The following KAZN variants were observed in gnomAD, a reference collection of about 807,000 sequenced individuals.
KAZN encodes kazrin.
KAZN carries 40 observed loss-of-function variants against 87.4 expected under a neutral mutation model. The ratio of observed to expected loss-of-function variants is 0.46; its 90% CI spans 0.36 to 0.60. KAZN has a LOEUF of 0.60. Ranked by LOEUF, KAZN falls within the 20% of genes least tolerant of loss-of-function variation. The pLI is 0.00. For missense variants in KAZN, 898 were observed against 1,073.9 expected (o/e 0.84, Z 2.29); for synonymous variants, 466 against 458.3 (o/e 1.02, Z -0.22).
chr1:14,884,831 T>A (rs1653854987), intron 1 of KAZN, among the ~76,000 whole-genome samples: 1 of 152,216 alleles, frequency 6.6e-6, no homozygotes. Flanking sequence ...TTTTCATAAC[T>A]GAGCAGGAAG....
chr1:14,195,648 A>T (rs888057354), intron 2 of KAZN, among the ~76,000 whole-genome samples: 1 of 152,214 alleles, frequency 6.6e-6, no homozygotes, highest in African/African-American at 2.4e-5. Flanking sequence ...TAGCAGATAA[A>T]TTGGAACAGG....
chr1:15,045,437 G>A (rs759507042), intron 4 of KAZN, among the ~76,000 whole-genome samples: 9 of 152,102 alleles, frequency 5.9e-5, no homozygotes, highest in Admixed American at 1.3e-4. Context: ...CTTAAACAAC[G>A]CAGGGCTTAG....
chr1:15,081,540 G>T lies in KAZN; in HGVS notation c.1223-12640G>T, dbSNP rs1640003100. ...GCTGTGAGAGATGTCATGCAGGAAAGGTTCCAGGAATTAATGACAGCGTGT... is the reference window on the plus strand; with the variant it reads ...GCTGTGAGAGATGTCATGCAGGAAATGTTCCAGGAATTAATGACAGCGTGT... On this transcript the variant is annotated intron_variant, in intron 8 of 14. Transcript: ENST00000376030. This position sits in a 1 kb window ranked among gnomAD's most constrained non-coding sequence, Gnocchi z 4.1. 6.6e-6 allele frequency among the ~76,000 whole-genome samples: 1 copy of T among 151,924 alleles called. No homozygotes were observed.
intron 1 of KAZN, among the ~76,000 whole-genome samples, chr1:14,093,574 C>G (rs760227997): frequency 4.6e-5 from 7 of 152,078 alleles, no homozygotes; most frequent in South Asian, 2.1e-4. Flanking sequence ...GATTCACTGT[C>G]CAAGAAAAGC....
At chr1:14,315,571 C>T (rs534898268) in intron 2 of KAZN, among the ~76,000 whole-genome samples, 1 of 152,152 alleles carries the variant, frequency 6.6e-6, no homozygotes. Context: ...CCCATCCCAG[C>T]CCAGGCAGAC....
intron 1 of KAZN, among the ~76,000 whole-genome samples, chr1:13,955,506 CTT>C (rs1441550182): frequency 1.3e-5 from 2 of 151,810 alleles, no homozygotes; most frequent in African/African-American, 4.8e-5. Context: ...GGATTTTAGA[CTT>C]TAGGGATTTT....
intron 2 of KAZN, among the ~76,000 whole-genome samples, chr1:14,314,963 A>G (rs1655555428): frequency 6.6e-6 from 1 of 152,156 alleles, no homozygotes; most frequent in East Asian, 1.9e-4. Context: ...TTCACTCAGC[A>G]TAATATTTTC....
intron 1 of KAZN, among the ~76,000 whole-genome samples, chr1:14,107,335 T>C (rs1356701197): frequency 6.6e-6 from 1 of 151,772 alleles, no homozygotes; most frequent in Non-Finnish European, 1.5e-5. Context: ...CACCATTTTT[T>C]AGTCTTTCCC....
chr1:14,269,175 G>A lies in KAZN; in HGVS notation c.249+88583G>A, dbSNP rs145772803. On this transcript the variant is annotated intron_variant, in intron 2 of 16. Coordinates refer to the KAZN transcript ENST00000636203. ...GGGGTGAAAATTGCTTCTTGGAAGA[G>A]GGGATTTAGATATTACAATTTCATG... 3.9e-5 allele frequency among the ~76,000 whole-genome samples: 6 copies of A among 152,268 alleles called. No homozygotes were observed. The East Asian group carries it at 1.2e-3, about 29-fold the overall frequency.
rs958018232 is a variant in KAZN, at chr1:14,581,101, T to C, written c.250-17882T>C. Among the ~76,000 whole-genome samples, 5 of 152,022 alleles carry C rather than the reference T, an allele frequency of 3.3e-5. No homozygotes were observed. The South Asian group carries it at 6.2e-4, about 19-fold the overall frequency. On this transcript the variant is annotated intron_variant, in intron 2 of 16. Coordinates refer to the KAZN transcript ENST00000636203. ...GGATAACATCTACATGCTGACACCTTCCAAATTCATATTTCCAGCTCAAAC... is the reference window on the plus strand; with the variant it reads ...GGATAACATCTACATGCTGACACCTCCCAAATTCATATTTCCAGCTCAAAC...
intron 13 of KAZN, among the ~76,000 whole-genome samples, chr1:15,107,858 G>T (rs576336021): frequency 8.5e-4 from 129 of 152,236 alleles, no homozygotes; most frequent in Admixed American, 4.1e-3. Flanking sequence ...TGTAATAGGG[G>T]AATATGACTC....
At chr1:14,914,478 C>G (rs1447595640) in intron 1 of KAZN, among the ~76,000 whole-genome samples, 3 of 152,226 alleles carry the variant, frequency 2.0e-5, no homozygotes, top group African/African-American at 7.2e-5. Context: ...GGGGCTCTTA[C>G]TCTATTGTTC....
chr1:13,944,804 G>T (rs185206986), intron 1 of KAZN, among the ~76,000 whole-genome samples: 1 of 151,916 alleles, frequency 6.6e-6, no homozygotes, highest in African/African-American at 2.4e-5. Flanking sequence ...GACAAGAAAA[G>T]ATAAAATAAG....
intron 1 of KAZN, among the ~76,000 whole-genome samples, chr1:14,672,394 A>T (rs1435918425): frequency 6.6e-6 from 1 of 152,230 alleles, no homozygotes; most frequent in Non-Finnish European, 1.5e-5. Context: ...CATCTGGAGA[A>T]GGAAGAGTCT....
chr1:14,704,680 T>G (rs933535737), intron 1 of KAZN, among the ~76,000 whole-genome samples: 3 of 152,174 alleles, frequency 2.0e-5, no homozygotes, highest in African/African-American at 4.8e-5. Context: ...TCTTTTCCAT[T>G]TACTCCTCCC....
At chr1:14,891,233 T>C (rs1005437641) in intron 1 of KAZN, among the ~76,000 whole-genome samples, 27 of 152,116 alleles carry the variant, frequency 1.8e-4, no homozygotes, top group African/African-American at 6.5e-4. Context: ...TTAGTGGTGA[T>C]TTGTGAGATT....
intron 1 of KAZN, among the ~76,000 whole-genome samples, chr1:14,742,003 C>A (rs1187107320): frequency 6.6e-6 from 1 of 152,186 alleles, no homozygotes; most frequent in East Asian, 1.9e-4. Flanking sequence ...CCACATTCAC[C>A]TTCTTGATAC....
intron 1 of KAZN, among the ~76,000 whole-genome samples, chr1:14,018,101 T>A: frequency 6.6e-6 from 1 of 152,212 alleles, no homozygotes; most frequent in East Asian, 1.9e-4. Flanking sequence ...TAAGTTCGCA[T>A]TGATCACTGG....
At chr1:14,995,849 A>C (rs1402048089) in intron 2 of KAZN, among the ~76,000 whole-genome samples, 6 of 152,178 alleles carry the variant, frequency 3.9e-5, no homozygotes, top group African/African-American at 7.2e-5. Context: ...CTGGTGACCG[A>C]CAGAGAGATT....
Sources: allele counts gnomAD v4.1 joint callset (sites outside exome capture counted in the v4.1 genomes callset), GRCh38; gene constraint gnomAD v4.1.1; non-coding constraint Gnocchi (gnomAD v3.1); transcripts MANE v1.5; gene names NCBI Gene and HGNC (gene_info 2026-07-23, HGNC 2026-07-21).